Variants in ATF7 observed in about 807,000 individuals in gnomAD.
ATF7 encodes the protein cyclic AMP-dependent transcription factor ATF-7.
ATF7 carries 10 observed loss-of-function variants against 50.4 expected under a neutral mutation model. That is an observed-to-expected ratio of 0.20 (90% confidence interval 0.12 to 0.34). ATF7 has a LOEUF of 0.34. Among genes scored for constraint, ATF7 ranks in the 10% least tolerant of loss-of-function variants. The pLI is 1.00. For synonymous variants in ATF7, 201 were observed against 226.4 expected (o/e 0.89, Z 1.01); for missense variants, 465 against 613.9 (o/e 0.76, Z 2.56).
intron 1 of ATF7, among the ~76,000 whole-genome samples, chr12:53,605,889 G>A (rs1481345156): frequency 3.3e-5 from 5 of 152,154 alleles, no homozygotes; most frequent in Non-Finnish European, 2.9e-5. Flanking sequence ...AATATTTAAA[G>A]TCTATATTAA....
At chr12:53,537,080 T>G (rs1462163735) in intron 5 of ATF7, among the ~76,000 whole-genome samples, 1 of 152,142 alleles carries the variant, frequency 6.6e-6, no homozygotes, top group Admixed American at 6.5e-5. Flanking sequence ...TACATACTTT[T>G]TTTTTTCTTG....
chr12:53,605,132 T>C (rs1943550425), intron 1 of ATF7, among the ~76,000 whole-genome samples: 1 of 152,164 alleles, frequency 6.6e-6, no homozygotes, highest in East Asian at 1.9e-4. Context: ...TTCATGCCTG[T>C]AATCCCAGCA....
At chr12:53,624,843 A>G (rs1593022829) in intron 1 of ATF7, among the ~76,000 whole-genome samples, 1 of 152,232 alleles carries the variant, frequency 6.6e-6, no homozygotes, top group Non-Finnish European at 1.5e-5. Flanking sequence ...ACAAACTGCA[A>G]CCACCCATTC....
At position 53,515,116 on chromosome 12, in the gene ATF7, G is replaced by A. The variant is rs183408231; in HGVS notation, c.*2021C>T. On this transcript the variant is annotated 3_prime_UTR_variant, in exon 12 of 12. Coordinates refer to ENST00000420353, the MANE Select transcript of ATF7 (RefSeq NM_006856.3). ...ATCACTTCAGGGCCTATTCCTGTTG[G>A]GTACCTGATGGTAGAGGATGAGAAA... 2 of 152,164 alleles carry A rather than the reference G, an allele frequency of 1.3e-5. No homozygotes were observed. The highest frequency in any genetic ancestry group is 2.4e-5 in the African/African-American group (1 of 41,426). 9.4% of individuals were successfully genotyped at this position (152,164 alleles called of 1,614,324 possible).
At chr12:53,525,840 A>G (rs533664604) in intron 9 of ATF7, among the ~76,000 whole-genome samples, 12 of 152,306 alleles carry the variant, frequency 7.9e-5, no homozygotes, top group African/African-American at 2.9e-4. Flanking sequence ...AAGGTCAACC[A>G]TCTGTAGAAA....
chr12:53,533,697 T>C (rs773912655), intron 6 of ATF7, among the ~76,000 whole-genome samples: 2 of 152,188 alleles, frequency 1.3e-5, no homozygotes, highest in Non-Finnish European at 2.9e-5. Flanking sequence ...CTTTTTATTT[T>C]TCCTAGTGGG....
intron 11 of ATF7, 57 bp downstream of exon 11, chr12:53,523,219 A>G: frequency 8.0e-7 from 1 of 1,246,270 alleles, no homozygotes; most frequent in Non-Finnish European, 1.2e-6. Context: ...CAGTTGAGAC[A>G]CTCAGTACAT....
chr12:53,555,674 C>T (rs1047879384), intron 2 of ATF7, among the ~76,000 whole-genome samples: 1 of 151,514 alleles, frequency 6.6e-6, no homozygotes, highest in Non-Finnish European at 1.5e-5. Flanking sequence ...CCACGCCCGG[C>T]TAATTTTGTA....
rs1940439123 is a variant in ATF7 at position 53,552,530 on chromosome 12, G to A, written c.145+11C>T. 6.2e-7 allele frequency: 1 copy of A among 1,609,442 alleles called. No homozygotes were observed. The highest frequency in any genetic ancestry group is 1.3e-5 in the African/African-American group (1 of 74,768). On this transcript the variant is annotated intron_variant, in intron 3 of 11. Coordinates refer to ENST00000420353, the MANE Select transcript of ATF7 (RefSeq NM_006856.3). ...GGTATCAAGGCACGTGGCTTTTGGG[G>A]CAGCAAATACCTGCAATGATGACTG...
At chr12:53,607,914 G>A (rs1943680052) in intron 1 of ATF7, among the ~76,000 whole-genome samples, 1 of 152,098 alleles carries the variant, frequency 6.6e-6, no homozygotes, top group African/African-American at 2.4e-5. Flanking sequence ...ATGCAGATAT[G>A]CATGATTGAA....
intron 1 of ATF7, among the ~76,000 whole-genome samples, chr12:53,606,647 T>G (rs534261121): frequency 6.6e-6 from 1 of 151,904 alleles, no homozygotes; most frequent in Non-Finnish European, 1.5e-5. Context: ...ATGTGCCATG[T>G]TGGTGTGCTG....
At chr12:53,609,821 C>CT (rs757421100) in intron 1 of ATF7, among the ~76,000 whole-genome samples, 40 of 115,924 alleles carry the variant, frequency 3.5e-4, no homozygotes, top group Non-Finnish European at 3.7e-4. Flanking sequence ...AAATGTTATG[C>CT]TTTTTTTTTT....
intron 3 of ATF7, among the ~76,000 whole-genome samples, chr12:53,544,678 G>C (rs529878662): frequency 1.7e-4 from 26 of 152,222 alleles, no homozygotes; most frequent in African/African-American, 6.0e-4. Flanking sequence ...AACCCAGGAG[G>C]TGGAGGTTGC....
chr12:53,529,221 C>T (rs546484707), intron 9 of ATF7, among the ~76,000 whole-genome samples: 16 of 152,170 alleles, frequency 1.1e-4, no homozygotes, highest in South Asian at 2.1e-4. Flanking sequence ...TTATTTAAGA[C>T]GGAGTTTCAC....
intron 4 of ATF7, among the ~76,000 whole-genome samples, chr12:53,538,352 G>T (rs1297319325): frequency 1.3e-5 from 2 of 152,036 alleles, no homozygotes; most frequent in Admixed American, 6.6e-5. Context: ...TATTTTCTGG[G>T]GAACTCACCA....
intron 3 of ATF7, among the ~76,000 whole-genome samples, chr12:53,545,207 T>G (rs1401123486): frequency 6.6e-5 from 10 of 152,182 alleles, no homozygotes; most frequent in Admixed American, 6.5e-4. Context: ...AATTCCTCAC[T>G]TTGCAGGTGG....
At chr12:53,579,536 T>C (rs1942282836) in intron 2 of ATF7, among the ~76,000 whole-genome samples, 1 of 134,546 alleles carries the variant, frequency 7.4e-6, no homozygotes, top group Non-Finnish European at 1.6e-5. Context: ...TGGGAGACAG[T>C]GCGAAACTCC....
chr12:53,526,498 C>A (rs1432285439), intron 9 of ATF7, among the ~76,000 whole-genome samples: 3 of 152,136 alleles, frequency 2.0e-5, no homozygotes, highest in African/African-American at 4.8e-5. Flanking sequence ...ATATAACATA[C>A]AAAATGTGTG....
rs555869384 is a variant in ATF7 at position 53,515,635 on chromosome 12, T to A, written c.*1502A>T. On this transcript the variant is annotated 3_prime_UTR_variant, in exon 12 of 12. Transcript: ENST00000420353. The stretch of plus-strand genomic sequence containing the variant: ...TGAATTGCTCCCTCTGCAACCCAAC[T>A]CTTCAAAGTAAGAATGGTTGAGAGC... 1.3e-5 allele frequency: 2 copies of A among 152,272 alleles called. No homozygotes were observed. Among genetic ancestry groups the A allele is most frequent in the South Asian group, 4.1e-4 (2 of 4,826 alleles). The allele number at this position is 152,272 out of a possible 1,614,324, so 9.4% of individuals were successfully genotyped here. A position where few individuals can be genotyped will look rare whatever the true frequency, so the allele number is the denominator to read the frequency against.
Sources: gnomAD v4.1 joint callset for allele counts (sites outside exome capture counted in the v4.1 genomes callset) on GRCh38, gnomAD v4.1.1 for gene constraint, MANE v1.5 for transcripts, NCBI Gene and HGNC (gene_info 2026-07-23, HGNC 2026-07-21) for gene names.